Variants in NR2C2AP observed in about 807,000 individuals in gnomAD.
The protein encoded by NR2C2AP is nuclear receptor 2C2-associated protein.
A neutral mutation model predicts 19.1 loss-of-function variants in NR2C2AP; 13 were observed. The observed-to-expected ratio is 0.68, with a 90% CI of 0.44 to 1.08. The LOEUF (loss-of-function observed/expected upper bound fraction) is 1.08. Among genes scored for constraint, NR2C2AP ranks in the 50% least tolerant of loss-of-function variants. NR2C2AP has a pLI of 0.00. For synonymous variants in NR2C2AP, 81 were observed against 64.4 expected (o/e 1.26, Z -1.23); for missense variants, 181 against 172.7 (o/e 1.05, Z -0.27).
In NR2C2AP at chr19:19,203,198, A is replaced by T. The variant is rs2060743638; in HGVS notation, c.-138T>A. 1 of 812,440 alleles carries T rather than the reference A, an allele frequency of 1.2e-6. No individual in the cohort carries two copies. The highest frequency in any genetic ancestry group is 2.1e-6 in the Non-Finnish European group (1 of 485,100). The allele number at this position is 812,440 out of a possible 1,614,324, so 50.3% of individuals were successfully genotyped here. ...GTCCTCACCTGTAACTTGGGACGAG[A>T]ACCGCCACTCCCTCGCCCACCCCAG... On this transcript the variant is annotated 5_prime_UTR_variant, in exon 1 of 5. Coordinates refer to ENST00000331552, the MANE Select transcript of NR2C2AP (RefSeq NM_176880.6).
intron 4 of NR2C2AP, 81 bp from the exon 5 acceptor site, chr19:19,202,122 A>C: frequency 8.0e-6 from 12 of 1,499,176 alleles, no homozygotes; most frequent in Non-Finnish European, 1.0e-5. Context: ...CCCAGCTCAC[A>C]CTCCACCGAT....
Position 19,201,871 on chromosome 19 carries a change from G to GAAGT in NR2C2AP, c.*53_*54insACTT. 1 of 1,613,186 alleles carries GAAGT rather than the reference G, an allele frequency of 6.2e-7. No individual in the cohort carries two copies. The highest frequency in any genetic ancestry group is 1.1e-5 in the South Asian group (1 of 90,944). ...CAATAAACCTTCTGTGCAGAATGAG[G>GAAGT]GACTTTGCTGTGCTTCCCGGAGGGC... On this transcript the variant is annotated 3_prime_UTR_variant, in exon 5 of 5. Coordinates refer to ENST00000331552, the MANE Select transcript of NR2C2AP (RefSeq NM_176880.6).
chr19:19,202,306 C>T, intron 4 of NR2C2AP, 25 bp downstream of exon 4: 1 of 1,609,284 alleles, frequency 6.2e-7, no homozygotes, highest in Non-Finnish European at 8.5e-7. Flanking sequence ...ACAGACCACC[C>T]ACCCCAGAAG....
Position 19,201,868 on chromosome 19 carries a change from G to A in NR2C2AP, c.*57C>T, listed in dbSNP as rs925500111. The A allele has an allele frequency of 6.2e-7, 1 of 1,612,994 alleles. No homozygotes were observed. Among genetic ancestry groups the A allele is most frequent in the African/African-American group, 1.3e-5 (1 of 74,898 alleles). ...AACCAATAAACCTTCTGTGCAGAATGAGGGACTTTGCTGTGCTTCCCGGAG... is the reference window on the plus strand; with the variant it reads ...AACCAATAAACCTTCTGTGCAGAATAAGGGACTTTGCTGTGCTTCCCGGAG... On this transcript the variant is annotated 3_prime_UTR_variant, in exon 5 of 5. Transcript: ENST00000331552.
At chr19:19,202,627 C>T (rs2060737821) in intron 2 of NR2C2AP, 52 bp from the exon 3 acceptor site, 3 of 1,469,946 alleles carry the variant, frequency 2.0e-6, no homozygotes, top group Non-Finnish European at 9.5e-7. Flanking sequence ...GCACAGAGCC[C>T]TGCTATGCCT....
At chr19:19,202,971 G>T in intron 1 of NR2C2AP, 52 bp downstream of exon 1, 1 of 1,611,784 alleles carries the variant, frequency 6.2e-7, no homozygotes, top group Non-Finnish European at 8.5e-7. Context: ...TCCACTGAGG[G>T]CTCGACCCCA....
Position 19,202,874 on chromosome 19 carries a change from A to AACTC in NR2C2AP, c.42_45dup (p.Ser16GlufsTer21). On this transcript the variant is annotated frameshift_variant, in exon 2 of 5. Coordinates refer to ENST00000331552, the MANE Select transcript of NR2C2AP (RefSeq NM_176880.6). LOFTEE classifies it high-confidence loss of function. ...TGCCGAGTGTTGCGATTCAGCACTGAACTCACCCTGGAGGCACCAGGATCA... is the reference window on the plus strand; with the variant it reads ...TGCCGAGTGTTGCGATTCAGCACTGAACTCACTCACCCTGGAGGCACCAGGATCA... 1 of 1,613,644 alleles carries AACTC rather than the reference A, an allele frequency of 6.2e-7. No individual in the cohort carries two copies. Among genetic ancestry groups the AACTC allele is most frequent in the Non-Finnish European group, 8.5e-7 (1 of 1,179,860 alleles).
rs2060745329 is a variant in NR2C2AP at position 19,203,387 on chromosome 19, G to A, written c.-327C>T. On this transcript the variant is annotated 5_prime_UTR_variant, in exon 1 of 5. Coordinates refer to ENST00000331552, the MANE Select transcript of NR2C2AP (RefSeq NM_176880.6). ...GGCTGTTTCTCTGCGAATAGCTCTTGGAGCCAAATCTTGGGACCCGGAACC... is the reference window on the plus strand; with the variant it reads ...GGCTGTTTCTCTGCGAATAGCTCTTAGAGCCAAATCTTGGGACCCGGAACC... The A allele has an allele frequency of 2.2e-6, 1 of 445,452 alleles. No individual in the cohort carries two copies. Among genetic ancestry groups the A allele is most frequent in the East Asian group, 4.5e-5 (1 of 22,400 alleles). 27.6% of individuals were successfully genotyped at this position (445,452 alleles called of 1,614,324 possible).
At position 19,202,625 on chromosome 19, in the gene NR2C2AP, C is replaced by T. The variant is rs544614207; in HGVS notation, c.130-50G>A. The T allele has an allele frequency of 4.1e-6, 6 of 1,466,554 alleles. No homozygotes were observed. In the South Asian group the frequency reaches 6.8e-5, roughly 17 times the overall value. The allele number at this position is 1,466,554 out of a possible 1,614,324, so 90.8% of individuals were successfully genotyped here. A position where few individuals can be genotyped will look rare whatever the true frequency, so the allele number is the denominator to read the frequency against. ...GCGCAAGCTCACTGCAGGCACAGAG[C>T]CCTGCTATGCCTGTCTCATTCACAT... On this transcript the variant is annotated intron_variant, in intron 2 of 4. Transcript: ENST00000331552.
chr19:19,203,167 C>T lies in NR2C2AP; in HGVS notation c.-107G>A, dbSNP rs1599798788. 1 of 1,129,764 alleles carries T rather than the reference C, an allele frequency of 8.9e-7. No homozygotes were observed. The highest frequency in any genetic ancestry group is 1.9e-5 in the Admixed American group (1 of 51,474). The allele number at this position is 1,129,764 out of a possible 1,614,324, so 70.0% of individuals were successfully genotyped here. On this transcript the variant is annotated 5_prime_UTR_variant, in exon 1 of 5. Transcript: ENST00000331552. ...GGCGCGATCTTGGCTACGCCTTGGCCTGAACGTCCTCACCTGTAACTTGGG... is the reference window on the plus strand; with the variant it reads ...GGCGCGATCTTGGCTACGCCTTGGCTTGAACGTCCTCACCTGTAACTTGGG...
Position 19,201,735 on chromosome 19 carries a change from GACTCAGAC to G in NR2C2AP, c.*182_*189del. ...CCCTGAGTGAAGGCCGCCTGCCGGGGACTCAGACACTCAGGGAACAAAATGGTCAGCCA... is the reference window on the plus strand; with the variant it reads ...CCCTGAGTGAAGGCCGCCTGCCGGGGACTCAGGGAACAAAATGGTCAGCCA... On this transcript the variant is annotated 3_prime_UTR_variant, in exon 5 of 5. Coordinates refer to ENST00000331552, the MANE Select transcript of NR2C2AP (RefSeq NM_176880.6). The G allele has an allele frequency of 6.2e-7, 1 of 1,613,794 alleles. No individual in the cohort carries two copies. The highest frequency in any genetic ancestry group is 8.5e-7 in the Non-Finnish European group (1 of 1,179,970).
chr19:19,201,635 C>T lies in NR2C2AP; in HGVS notation c.*290G>A. The T allele has an allele frequency of 1.2e-6, 2 of 1,614,080 alleles. No individual in the cohort carries two copies. The highest frequency in any genetic ancestry group is 1.7e-6 in the Non-Finnish European group (2 of 1,180,028). ...TTCAAGCTCACAGCCCACCTTTTCC[C>T]TGCCCCATCTCAGTGCAACAGGTGA... On this transcript the variant is annotated 3_prime_UTR_variant, in exon 5 of 5. Transcript: ENST00000331552.
intron 4 of NR2C2AP, 25 bp downstream of exon 4, chr19:19,202,306 C>CA (rs776153142): frequency 6.2e-7 from 1 of 1,609,284 alleles, no homozygotes; most frequent in Non-Finnish European, 8.5e-7. Flanking sequence ...ACAGACCACC[C>CA]ACCCCAGAAG....
chr19:19,201,828 A>C lies in NR2C2AP; in HGVS notation c.*97T>G. The C allele has an allele frequency of 6.2e-7, 1 of 1,611,496 alleles. No individual in the cohort carries two copies. ...GCTTCTGGACAGGTGGTGGGAGGGG[A>C]CCCTTCCCAAGAGGAACCAATAAAC... On this transcript the variant is annotated 3_prime_UTR_variant, in exon 5 of 5. Coordinates refer to ENST00000331552, the MANE Select transcript of NR2C2AP (RefSeq NM_176880.6).
chr19:19,201,476 A>AG lies in NR2C2AP; in HGVS notation c.*448dup. 1 of 1,579,712 alleles carries AG rather than the reference A, an allele frequency of 6.3e-7. No individual in the cohort carries two copies. Among genetic ancestry groups the AG allele is most frequent in the Non-Finnish European group, 8.5e-7 (1 of 1,170,714 alleles). ...TACAAAAGTGCATTTTTACAAACTT[A>AG]GGGGAAGTTGAGGTTCCTGGGGTGA... On this transcript the variant is annotated 3_prime_UTR_variant, in exon 5 of 5. Transcript: ENST00000331552.
Position 19,203,039 on chromosome 19 carries a change from G to A in NR2C2AP, c.22C>T (p.Pro8Ser). ...GACTCTTACCTGCTCACTGTCTCTG[G>A]ACAAACCAAAGAGTGGGTCATGTCG... MTHSLVCPETVSRVSSVL... is the reference protein window; with the variant it reads MTHSLVCSETVSRVSSVL... The change falls in exon 1 of 5, where the codon CCA (proline) becomes TCA (serine). Residue 8 changes from proline (P) to serine (S), a missense_variant. By Grantham distance (74) the Pro-to-Ser change is moderately conservative. Transcript: ENST00000331552. The A allele has an allele frequency of 6.2e-7, 1 of 1,614,068 alleles. No individual in the cohort carries two copies. Among genetic ancestry groups the A allele is most frequent in the Non-Finnish European group, 8.5e-7 (1 of 1,179,974 alleles).
At chr19:19,202,740 G>T in intron 2 of NR2C2AP, 51 bp downstream of exon 2, 2 of 1,551,912 alleles carry the variant, frequency 1.3e-6, no homozygotes, top group Non-Finnish European at 1.8e-6. Flanking sequence ...CAAGGCATGA[G>T]ATCTGAATCT....
chr19:19,202,311 C>T lies in NR2C2AP; in HGVS notation c.303+20G>A, dbSNP rs754435653. 3 of 1,613,380 alleles carry T rather than the reference C, an allele frequency of 1.9e-6. No homozygotes were observed. The highest frequency in any genetic ancestry group is 2.5e-6 in the Non-Finnish European group (3 of 1,179,276). On this transcript the variant is annotated intron_variant, in intron 4 of 4. Coordinates refer to ENST00000331552, the MANE Select transcript of NR2C2AP (RefSeq NM_176880.6). ...TTCCAGAGGCACAGACCACCCACCC[C>T]AGAAGCAGGGGCAGGATATCTGAAG...
At position 19,203,070 on chromosome 19, in the gene NR2C2AP, A is replaced by C. The variant is rs2060742460; in HGVS notation, c.-10T>G. 2.5e-6 allele frequency: 4 copies of C among 1,613,922 alleles called. No homozygotes were observed. The East Asian group carries it at 8.9e-5, about 36-fold the overall frequency. On this transcript the variant is annotated 5_prime_UTR_variant, in exon 1 of 5. Coordinates refer to ENST00000331552, the MANE Select transcript of NR2C2AP (RefSeq NM_176880.6). ...CCAAAGAGTGGGTCATGTCGGTTCC[A>C]CAAGACCTCGCAGGGCTTAGGATTG...
Sources: allele counts gnomAD v4.1 joint callset, GRCh38; gene constraint gnomAD v4.1.1; transcripts MANE v1.5; gene names NCBI Gene and HGNC (gene_info 2026-07-23, HGNC 2026-07-21).